The following BPHL variants were observed in gnomAD, a reference collection of about 807,000 sequenced individuals.
BPHL encodes biphenyl hydrolase like.
In BPHL, 27 loss-of-function variants were observed where a neutral mutation model predicts 31.2. The ratio of observed to expected loss-of-function variants is 0.87; its 90% CI spans 0.64 to 1.19. The LOEUF (loss-of-function observed/expected upper bound fraction) is 1.19, where lower values mean the gene tolerates loss of function less well. Among genes scored for constraint, BPHL ranks in the 50% most tolerant of loss-of-function variants. The pLI is 0.00. For missense variants in BPHL, 356 were observed against 375.7 expected (o/e 0.95, Z 0.43); for synonymous variants, 150 against 146.8 (o/e 1.02, Z -0.16).
chr6:3,137,263 T>C (rs1762037366), intron 4 of BPHL, 99 bp from the exon 5 acceptor site: 8 of 1,437,758 alleles, frequency 5.6e-6, no homozygotes, highest in Non-Finnish European at 7.6e-6. Flanking sequence ...GACGAGACAG[T>C]GAGCGCATGG....
At chr6:3,141,322 G>A (rs1762168313) in intron 6 of BPHL, among the ~76,000 whole-genome samples, 1 of 152,166 alleles carries the variant, frequency 6.6e-6, no homozygotes, top group African/African-American at 2.4e-5. Context: ...GCAAAGGTGG[G>A]AGTTAGGCAG....
At chr6:3,138,163 C>A in intron 5 of BPHL, 1 of 406,460 alleles carries the variant, frequency 2.5e-6, no homozygotes. Flanking sequence ...GGACCACAGG[C>A]GTGCACCACC....
At chr6:3,130,446 GGACAAGAAGT>G (rs1230358924) in intron 4 of BPHL, among the ~76,000 whole-genome samples, 1 of 152,120 alleles carries the variant, frequency 6.6e-6, no homozygotes, top group Non-Finnish European at 1.5e-5. Flanking sequence ...GGGGTTGCTA[GGACAAGAAGT>G]GAAACTGACC....
At position 3,152,699 on chromosome 6, in the gene BPHL, TA is replaced by T; in HGVS notation, c.*126del. ...TCTACCCCTCCCTTCAATCTTATCC[TA>T]ACCAAATGAGAATAATGACATATTG... On this transcript the variant is annotated 3_prime_UTR_variant, in exon 7 of 7. Transcript: ENST00000380379. 1 of 805,854 alleles carries T rather than the reference TA, an allele frequency of 1.2e-6. No homozygotes were observed. The highest frequency in any genetic ancestry group is 2.8e-5 in the East Asian group (1 of 36,350). 49.9% of individuals were successfully genotyped at this position (805,854 alleles called of 1,614,324 possible). A position where few individuals can be genotyped will look rare whatever the true frequency, so the allele number is the denominator to read the frequency against.
Position 3,123,658 on chromosome 6 carries a change from A to T in BPHL, c.109A>T (p.Thr37Ser). The T allele has an allele frequency of 6.2e-7, 1 of 1,612,654 alleles. No individual in the cohort carries two copies. Among genetic ancestry groups the T allele is most frequent in the Non-Finnish European group, 8.5e-7 (1 of 1,179,250 alleles). Residue 37 changes from threonine to serine, a missense_variant and splice_region_variant, in exon 2 of 7, where the codon ACC (threonine) becomes TCC (serine). By Grantham distance (58) the Thr-to-Ser change is moderately conservative. Coordinates refer to ENST00000380379, the MANE Select transcript of BPHL (RefSeq NM_004332.4). ...PRAGPAAAFG[T>S]SVTSAKVAVN... ...GGGGATGTGTTTTTTCTCTTCTAGC[A>T]CCTCGGTAACCTCTGCCAAAGTGGC...
At position 3,145,998 on chromosome 6, in the gene BPHL, TCGGGG is replaced by T. The variant is rs1195479829; in HGVS notation, c.788+5490_788+5494del. ...GTGCTGGTTTGGGTCGAGTGCTGGT[TCGGGG>T]TGGAGTGCTGGTTCGGGTCCGAGTG... On this transcript the variant is annotated intron_variant, in intron 6 of 6. Coordinates refer to ENST00000380379, the MANE Select transcript of BPHL (RefSeq NM_004332.4). Among the ~76,000 whole-genome samples the T allele has an allele frequency of 4.3e-5, 3 of 70,090 alleles. 1 individual carries two copies. The highest frequency in any genetic ancestry group is 1.0e-4 in the Non-Finnish European group (3 of 30,082). 46.0% of individuals were successfully genotyped at this position (70,090 alleles called of 152,430 possible).
At position 3,152,606 on chromosome 6, in the gene BPHL, C is replaced by T. The variant is rs761063675; in HGVS notation, c.*31C>T. The T allele has an allele frequency of 1.7e-5, 27 of 1,588,214 alleles. No homozygotes were observed. The Admixed American group carries it at 1.7e-4, about 10-fold the overall frequency. ...CACACTCCAGTCTTGGTGGTTCCTTCGTGTGGGGCTTGATCGTGTTGCTGC... is the reference window on the plus strand; with the variant it reads ...CACACTCCAGTCTTGGTGGTTCCTTTGTGTGGGGCTTGATCGTGTTGCTGC... On this transcript the variant is annotated 3_prime_UTR_variant, in exon 7 of 7. Transcript: ENST00000380379.
chr6:3,127,295 T>A lies in BPHL; in HGVS notation c.265T>A (p.Phe89Ile). ...GCTCAAGAACCTCAATAAGAAGCTC[T>A]TCACGGTGGTCGCCTGGGATCCTCG... ...PQLKNLNKKLFTVVAWDPRGY... is the reference protein window; with the variant it reads ...PQLKNLNKKLITVVAWDPRGY... Residue 89 changes from phenylalanine to isoleucine, a missense_variant, in exon 3 of 7, where the codon TTC (phenylalanine) becomes ATC (isoleucine). Physicochemically the swap from Phe to Ile is conservative, Grantham distance 21. Transcript: ENST00000380379. 1 of 1,604,920 alleles carries A rather than the reference T, an allele frequency of 6.2e-7. No homozygotes were observed. Among genetic ancestry groups the A allele is most frequent in the Non-Finnish European group, 8.5e-7 (1 of 1,174,016 alleles).
chr6:3,132,285 C>T (rs1422050616), intron 4 of BPHL, among the ~76,000 whole-genome samples: 1 of 152,166 alleles, frequency 6.6e-6, no homozygotes, highest in Non-Finnish European at 1.5e-5. Flanking sequence ...GGTTACACCC[C>T]TCTTCTTGAA....
chr6:3,138,087 C>T, intron 5 of BPHL: 1 of 944,550 alleles, frequency 1.1e-6, no homozygotes, highest in Non-Finnish European at 1.5e-6. Context: ...GGCATGATCT[C>T]AGCTCACTGC....
In BPHL at chr6:3,127,391, G is replaced by T; in HGVS notation, c.361G>T (p.Ala121Ser). 3 of 1,606,222 alleles carry T rather than the reference G, an allele frequency of 1.9e-6. No individual in the cohort carries two copies. Among genetic ancestry groups the T allele is most frequent in the South Asian group, 2.2e-5 (2 of 90,070 alleles). ...CTTTTTTGAAAGGGATGCAAAAGAT[G>T]CTGTTGATTTGATGAAGGTAGGTCT... is the stretch of plus-strand genomic sequence containing the variant. ...ADFFERDAKD[A>S]VDLMKALKFK... Residue 121 changes from alanine to serine, a missense_variant, in exon 3 of 7, where the codon GCT (alanine) becomes TCT (serine). Coordinates refer to ENST00000380379, the MANE Select transcript of BPHL (RefSeq NM_004332.4).
Position 3,151,423 on chromosome 6 carries a change from CTTCCT to C in BPHL, c.789-1061_789-1057del, listed in dbSNP as rs542199000. Among the ~76,000 whole-genome samples the C allele has an allele frequency of 3.1e-3, 475 of 152,240 alleles. 2 individuals carry two copies. The highest frequency in any genetic ancestry group is 0.011 in the African/African-American group (449 of 41,530). ...CCTCGGAAAGGTCCCAACAATATGTCTTCCTTTCAAGTTGATTCTCTTGGTACCCC... is the reference window on the plus strand; with the variant it reads ...CCTCGGAAAGGTCCCAACAATATGTCTTCAAGTTGATTCTCTTGGTACCCC... On this transcript the variant is annotated intron_variant, in intron 6 of 6. Coordinates refer to ENST00000380379, the MANE Select transcript of BPHL (RefSeq NM_004332.4).
At chr6:3,134,796 G>C (rs1055555913) in intron 4 of BPHL, among the ~76,000 whole-genome samples, 7 of 151,822 alleles carry the variant, frequency 4.6e-5, no homozygotes, top group African/African-American at 1.7e-4. Flanking sequence ...TAGAGACGGG[G>C]TTTCACCGTG....
chr6:3,131,884 C>T (rs1013327769), intron 4 of BPHL, among the ~76,000 whole-genome samples: 4 of 152,182 alleles, frequency 2.6e-5, no homozygotes, highest in African/African-American at 7.2e-5. Flanking sequence ...GATGGCGTCC[C>T]GGAGCCCTGA....
rs1762553886 is a variant in BPHL at position 3,152,569 on chromosome 6, A to G, written c.870A>G (p.Leu290=). The G allele has an allele frequency of 6.2e-7, 1 of 1,613,006 alleles. No individual in the cohort carries two copies. Among genetic ancestry groups the G allele is most frequent in the Non-Finnish European group, 8.5e-7 (1 of 1,179,516 alleles). ...TCAACAAGTTAGCAGAAGACTTCCT[A>G]CAATGAGAATGCACACTCCAGTCTT... ...DEFNKLAEDF[L]Q The change falls in exon 7 of 7, where the codon CTA becomes CTG. Residue 290 remains leucine (L), a synonymous_variant. Transcript: ENST00000380379.
intron 6 of BPHL, among the ~76,000 whole-genome samples, chr6:3,145,365 T>C (rs372543255): frequency 3.7e-5 from 2 of 54,580 alleles, no homozygotes; most frequent in African/African-American, 1.2e-4. Context: ...TGGTGTGGGT[T>C]GGAGTGCTGG....
At chr6:3,123,512 A>G in intron 1 of BPHL, 145 bp from the exon 2 acceptor site, 1 of 587,350 alleles carries the variant, frequency 1.7e-6, no homozygotes, top group Non-Finnish European at 3.0e-6. Context: ...GCTATTTTAA[A>G]CTATCGCTTA....
At position 3,140,610 on chromosome 6, in the gene BPHL, T is replaced by C. The variant is rs1762148991; in HGVS notation, c.788+101T>C. 5.9e-6 allele frequency: 9 copies of C among 1,529,434 alleles called. No homozygotes were observed. The highest frequency in any genetic ancestry group is 1.9e-5 in the Admixed American group (1 of 53,372). 94.7% of individuals were successfully genotyped at this position (1,529,434 alleles called of 1,614,324 possible). A position where few individuals can be genotyped will look rare whatever the true frequency, so the allele number is the denominator to read the frequency against. On this transcript the variant is annotated intron_variant, in intron 6 of 6. Transcript: ENST00000380379. This position sits in a 1 kb window ranked among gnomAD's most constrained non-coding sequence, Gnocchi z 5.2. ...ACCAAGAGGAGTTGGAGTTTTAGAG[T>C]GCACAGCCCCCCTTTTGCCAATGCC... is the stretch of plus-strand genomic sequence containing the variant.
At chr6:3,143,162 G>A (rs1455362809) in intron 6 of BPHL, among the ~76,000 whole-genome samples, 2 of 152,126 alleles carry the variant, frequency 1.3e-5, no homozygotes, top group African/African-American at 4.8e-5. Flanking sequence ...AGGTTGCAGC[G>A]AGCCAAGATC....
Sources: allele counts gnomAD v4.1 joint callset (sites outside exome capture counted in the v4.1 genomes callset), GRCh38; gene constraint gnomAD v4.1.1; non-coding constraint Gnocchi (gnomAD v3.1); transcripts MANE v1.5; gene names NCBI Gene and HGNC (gene_info 2026-07-23, HGNC 2026-07-21).